CEP290: variants seen among roughly 807,000 people sequenced by gnomAD.
CEP290 encodes the protein centrosomal protein 290.
In CEP290, 317 loss-of-function variants were observed where a neutral mutation model predicts 344.9. That is an observed-to-expected ratio of 0.92 (90% confidence interval 0.84 to 1.01). The LOEUF (loss-of-function observed/expected upper bound fraction) is 1.01. Among genes scored for constraint, CEP290 ranks in the 50% least tolerant of loss-of-function variants. The pLI is 0.00. For missense variants in CEP290, 2,754 were observed against 2,761.4 expected, an observed-to-expected ratio of 1.00 and a Z score of 0.06; for synonymous variants, 932 against 895.8, an observed-to-expected ratio of 1.04 and a Z score of -0.72.
At chr12:88,081,859 G>T (rs1674685917) in intron 37 of CEP290, among the ~76,000 whole-genome samples, 1 of 152,162 alleles carries the variant, frequency 6.6e-6, no homozygotes, top group Admixed American at 6.5e-5. Flanking sequence ...AAACATGACA[G>T]AAATTTACTA....
intron 43 of CEP290, among the ~76,000 whole-genome samples, chr12:88,069,731 T>C (rs927424338): frequency 6.6e-6 from 1 of 152,210 alleles, no homozygotes; most frequent in Non-Finnish European, 1.5e-5. Flanking sequence ...ACATTCATAA[T>C]GACACAATAG....
rs551081930 is a variant in CEP290 at position 88,142,073 on chromosome 12, C to T, written c.-201G>A. The T allele has an allele frequency of 6.6e-6, 1 of 152,428 alleles. No homozygotes were observed. The highest frequency in any genetic ancestry group is 2.1e-4 in the South Asian group (1 of 4,830). The allele number at this position is 152,428 out of a possible 1,614,324, so 9.4% of individuals were successfully genotyped here. A position where few individuals can be genotyped will look rare whatever the true frequency, so the allele number is the denominator to read the frequency against. ...CTGCTAGGCGACACCATCCCCAACTCCGCCAAGGCCAGAATAAGATCCCGG... is the reference window on the plus strand; with the variant it reads ...CTGCTAGGCGACACCATCCCCAACTTCGCCAAGGCCAGAATAAGATCCCGG... On this transcript the variant is annotated 5_prime_UTR_variant, in exon 1 of 54. Transcript: ENST00000552810.
chr12:88,099,653 G>GA (rs2037722793), intron 26 of CEP290, among the ~76,000 whole-genome samples: 1 of 152,088 alleles, frequency 6.6e-6, no homozygotes. Context: ...AGACTAAAAA[G>GA]AGGACATGCT....
intron 5 of CEP290, among the ~76,000 whole-genome samples, chr12:88,138,727 G>A (rs1423183737): frequency 6.6e-6 from 1 of 152,180 alleles, no homozygotes; most frequent in Non-Finnish European, 1.5e-5. Context: ...TTCAAAGGCT[G>A]ATCCATTTGT....
intron 3 of CEP290, among the ~76,000 whole-genome samples, chr12:88,140,349 C>T (rs11831061): frequency 0.014 from 2,079 of 152,194 alleles, 50 homozygotes; most frequent in African/African-American, 0.048. Flanking sequence ...AATTGTGTTT[C>T]GAAAACCTTT....
Position 88,080,410 on chromosome 12 carries a change from C to CAT in CEP290, c.5013-17_5013-16dup, listed in dbSNP as rs774225453. 6.3e-7 allele frequency: 1 copy of CAT among 1,575,684 alleles called. No homozygotes were observed. Among genetic ancestry groups the CAT allele is most frequent in the Non-Finnish European group, 8.7e-7 (1 of 1,151,316 alleles). On this transcript the variant is annotated splice_polypyrimidine_tract_variant and intron_variant, in intron 37 of 53. Transcript: ENST00000552810. Reference sequence around the variant, plus strand: ...TTTCTTGAAGCCTGATGTAAATAAACATATGTGTGTGTGTGTTTTTTAATT... The same window carrying CAT: ...TTTCTTGAAGCCTGATGTAAATAAACATATATGTGTGTGTGTGTTTTTTAATT...
Position 88,141,340 on chromosome 12 carries a change from A to G in CEP290, c.-27-6T>C. On this transcript the variant is annotated splice_polypyrimidine_tract_variant and splice_region_variant and intron_variant, in intron 1 of 53. Transcript: ENST00000552810. ...TCTTTCACTGTGCTCCACCTCTGTAACAAAACAGGTGTATATTAGCATTTT... is the reference window on the plus strand; with the variant it reads ...TCTTTCACTGTGCTCCACCTCTGTAGCAAAACAGGTGTATATTAGCATTTT... 1 of 1,415,294 alleles carries G rather than the reference A, an allele frequency of 7.1e-7. No individual in the cohort carries two copies. Among genetic ancestry groups the G allele is most frequent in the African/African-American group, 1.4e-5 (1 of 69,988 alleles). 87.7% of individuals were successfully genotyped at this position (1,415,294 alleles called of 1,614,324 possible). A position where few individuals can be genotyped will look rare whatever the true frequency, so the allele number is the denominator to read the frequency against.
chr12:88,112,055 T>C (rs2038729913), intron 20 of CEP290, among the ~76,000 whole-genome samples, 197 bp from the exon 21 acceptor site: 1 of 152,166 alleles, frequency 6.6e-6, no homozygotes, highest in African/African-American at 2.4e-5. Context: ...GCATAGTAAT[T>C]ACTTCATTAA....
intron 26 of CEP290, among the ~76,000 whole-genome samples, chr12:88,102,448 G>T (rs2037961293): frequency 6.6e-6 from 1 of 152,126 alleles, no homozygotes; most frequent in Non-Finnish European, 1.5e-5. Context: ...GGGTACAGGG[G>T]TAAGAGAAAG....
chr12:88,109,203 A>G (rs760739349), intron 22 of CEP290, 22 bp from the exon 23 acceptor site: 5 of 773,978 alleles, frequency 6.5e-6, no homozygotes, highest in Non-Finnish European at 1.0e-5. Flanking sequence ...TTTAGAAATA[A>G]GAATGCAAAA....
At chr12:88,109,697 C>A (rs2038541474) in intron 22 of CEP290, among the ~76,000 whole-genome samples, 1 of 152,124 alleles carries the variant, frequency 6.6e-6, no homozygotes, top group Non-Finnish European at 1.5e-5. Context: ...CTCCAAAGGT[C>A]TTGCCACGTT....
rs763801479 is a variant in CEP290, at chr12:88,089,303, C to T, written c.3758G>A (p.Arg1253His). ...TTTTGCTCTGTTTCTTCCCTCCAAA[C>T]GAGCATAATAGAGAGCCTGTTCTTT... Reference protein sequence around the residue: ...DEKEQALYYARLEGRNRAKHL... With the variant: ...DEKEQALYYAHLEGRNRAKHL... The change falls in exon 31 of 54, where the codon CGT (arginine) becomes CAT (histidine). Residue 1253 changes from arginine to histidine, a missense_variant. Physicochemically the swap from Arg to His is conservative, Grantham distance 29. Coordinates refer to ENST00000552810, the MANE Select transcript of CEP290 (RefSeq NM_025114.4). 2.2e-5 allele frequency: 36 copies of T among 1,613,824 alleles called. No individual in the cohort carries two copies. The highest frequency in any genetic ancestry group is 1.6e-4 in the Middle Eastern group (1 of 6,084).
intron 9 of CEP290, 48 bp from the exon 10 acceptor site, chr12:88,129,924 T>G: frequency 8.3e-7 from 1 of 1,208,694 alleles, no homozygotes. Flanking sequence ...TTAAAAAAAC[T>G]GAAATTTAAA....
intron 13 of CEP290, among the ~76,000 whole-genome samples, chr12:88,122,165 G>C (rs2468258): frequency 0.78 from 118,750 of 152,090 alleles, 50,426 homozygotes; most frequent in East Asian, 0.96. Flanking sequence ...CTAAGCTGTG[G>C]AACATGACAC....
In CEP290 at chr12:88,062,533, T is replaced by C. The variant is rs181486293; in HGVS notation, c.6357+159A>G. Among the ~76,000 whole-genome samples the C allele has an allele frequency of 3.8e-4, 58 of 152,286 alleles. No individual in the cohort carries two copies. The East Asian group carries it at 7.3e-3, about 19-fold the overall frequency. On this transcript the variant is annotated intron_variant, in intron 46 of 53. Transcript: ENST00000552810. Reference sequence around the variant, plus strand: ...AGATGATAAAATACTTTGAGACACATAGAAATGCTTACTGTTTTATATTAC... The same window carrying C: ...AGATGATAAAATACTTTGAGACACACAGAAATGCTTACTGTTTTATATTAC...
chr12:88,135,037 T>C (rs2040278650), intron 6 of CEP290, among the ~76,000 whole-genome samples: 1 of 152,152 alleles, frequency 6.6e-6, no homozygotes, highest in African/African-American at 2.4e-5. Flanking sequence ...ACCTTATGTA[T>C]CTCCCTAAGT....
Position 88,060,886 on chromosome 12 carries a change from CT to C in CEP290, c.6465del (p.Gly2156GlufsTer3). 1 of 1,541,908 alleles carries C rather than the reference CT, an allele frequency of 6.5e-7. No individual in the cohort carries two copies. Among genetic ancestry groups the C allele is most frequent in the South Asian group, 1.3e-5 (1 of 79,920 alleles). On this transcript the variant is annotated frameshift_variant, in exon 47 of 54. Transcript: ENST00000552810. LOFTEE classifies it high-confidence loss of function. ...GCCATTTTTTCACTAGTCAATATTC[CT>C]GATGCTTTTTTCAACTGTTCATTTT... ...QRENEQLKKASGILTSEKMAN... is the reference protein window; with the variant it reads ...QRENEQLKKAXGILTSEKMAN...
Position 88,049,227 on chromosome 12 carries a change from A to G in CEP290, c.7397T>C (p.Phe2466Ser), listed in dbSNP as rs1159836808. The G allele has an allele frequency of 5.6e-6, 9 of 1,604,486 alleles. No individual in the cohort carries two copies. Among genetic ancestry groups the G allele is most frequent in the Admixed American group, 5.1e-5 (3 of 58,872 alleles). Reference sequence around the variant, plus strand: ...AACAGGACTTTCTTCTTCATCTTCAAACTCTTCAGAAGCAGCAACAGGGCT... The same window carrying G: ...AACAGGACTTTCTTCTTCATCTTCAGACTCTTCAGAAGCAGCAACAGGGCT... ...LTSPVAASEE[F>S]EDEEESPVNF... Residue 2466 changes from phenylalanine (F) to serine (S), a missense_variant, in exon 54 of 54, where the codon TTT becomes TCT. Phe to Ser is a radical substitution (Grantham distance 155). Coordinates refer to ENST00000552810, the MANE Select transcript of CEP290 (RefSeq NM_025114.4).
Position 88,070,674 on chromosome 12 carries a change from T to C in CEP290, c.6011+620A>G, listed in dbSNP as rs2035304558. ...TCTTTCTACTCTCCTCTTGCTTGCT[T>C]GGCTGCAGAAGTGTGCAATTCCTGA... On this transcript the variant is annotated intron_variant, in intron 43 of 53. Coordinates refer to ENST00000552810, the MANE Select transcript of CEP290 (RefSeq NM_025114.4). Among the ~76,000 whole-genome samples the C allele has an allele frequency of 2.0e-5, 3 of 152,098 alleles. 1 individual carries two copies. The South Asian group carries it at 6.2e-4, about 31-fold the overall frequency.
Sources: gnomAD v4.1 joint callset for allele counts (sites outside exome capture counted in the v4.1 genomes callset) on GRCh38, gnomAD v4.1.1 for gene constraint, MANE v1.5 for transcripts, NCBI Gene and HGNC (gene_info 2026-07-23, HGNC 2026-07-21) for gene names.